POLR3H: variants seen among roughly 807,000 people sequenced by gnomAD.
The protein encoded by POLR3H is RNA polymerase III subunit H.
In POLR3H, 17 loss-of-function variants were observed where a neutral mutation model predicts 25.5. The ratio of observed to expected loss-of-function variants is 0.67; its 90% confidence interval spans 0.46 to 1.00. The LOEUF is 1.00. Among genes scored for constraint, POLR3H ranks in the 50% least tolerant of loss-of-function variants. The pLI is 0.00. For synonymous variants in POLR3H, 129 were observed against 103.0 expected (o/e 1.25, Z -1.53); for missense variants, 274 against 265.0 (o/e 1.03, Z -0.24).
At chr22:41,535,894 C>G (rs997926100) in intron 2 of POLR3H, among the ~76,000 whole-genome samples, 2 of 151,830 alleles carry the variant, frequency 1.3e-5, no homozygotes, top group African/African-American at 4.8e-5. Context: ...TGCTTGAACC[C>G]GGGAGGCAGA....
At chr22:41,543,447 G>C (rs1361640678) in intron 1 of POLR3H, among the ~76,000 whole-genome samples, 1 of 152,060 alleles carries the variant, frequency 6.6e-6, no homozygotes, top group East Asian at 1.9e-4. Flanking sequence ...GTGAAACCCC[G>C]TCTCTACGAA....
At chr22:41,532,503 A>G (rs1311917874) in intron 3 of POLR3H, 156 bp downstream of exon 3, 2 of 1,372,084 alleles carry the variant, frequency 1.5e-6, no homozygotes, top group East Asian at 4.7e-5. Flanking sequence ...AGGTCCTCAC[A>G]CAACACATAA....
At chr22:41,535,533 G>C (rs534887983) in intron 2 of POLR3H, among the ~76,000 whole-genome samples, 73 of 152,346 alleles carry the variant, frequency 4.8e-4, no homozygotes, top group African/African-American at 1.7e-3. Flanking sequence ...GGACCATCAA[G>C]AAGAGGAAGG....
chr22:41,529,416 C>T (rs1340319367), intron 5 of POLR3H, 80 bp from the exon 6 acceptor site: 2 of 1,289,974 alleles, frequency 1.6e-6, no homozygotes, highest in African/African-American at 1.5e-5. Flanking sequence ...GGGAGCCCAG[C>T]AGGCCCAGCA....
rs2146152432 is a variant in POLR3H, at chr22:41,527,728, T to C, written c.*1555A>G. 2 of 1,105,922 alleles carry C rather than the reference T, an allele frequency of 1.8e-6. No homozygotes were observed. The highest frequency in any genetic ancestry group is 2.5e-6 in the Non-Finnish European group (2 of 785,484). The allele number at this position is 1,105,922 out of a possible 1,614,324, so 68.5% of individuals were successfully genotyped here. A position where few individuals can be genotyped will look rare whatever the true frequency, so the allele number is the denominator to read the frequency against. On this transcript the variant is annotated 3_prime_UTR_variant, in exon 6 of 6. Coordinates refer to ENST00000355209, the MANE Select transcript of POLR3H (RefSeq NM_001018050.4). ...CGCAGACCTCAGCACCAGCGCACAC[T>C]TGCTAGGGGCACCCCTAGTGAAAGG...
intron 2 of POLR3H, among the ~76,000 whole-genome samples, chr22:41,536,207 A>G (rs1000801099): frequency 1.3e-5 from 2 of 151,650 alleles, no homozygotes; most frequent in African/African-American, 4.8e-5. Context: ...CCTGGCTAAC[A>G]TGATGAAACC....
In POLR3H at chr22:41,528,183, C is replaced by T; in HGVS notation, c.*1100G>A. On this transcript the variant is annotated 3_prime_UTR_variant, in exon 6 of 6. Coordinates refer to ENST00000355209, the MANE Select transcript of POLR3H (RefSeq NM_001018050.4). ...CCACAGAGAAAGCAAAGTGGCTTCT[C>T]AGAGTTGGGGGTTGGAGTCAACCCG... is the stretch of plus-strand genomic sequence containing the variant. 1.7e-6 allele frequency: 2 copies of T among 1,176,940 alleles called. No homozygotes were observed. Among genetic ancestry groups the T allele is most frequent in the Non-Finnish European group, 2.4e-6 (2 of 846,478 alleles). 72.9% of individuals were successfully genotyped at this position (1,176,940 alleles called of 1,614,324 possible).
At chr22:41,537,205 C>T (rs909130707) in intron 2 of POLR3H, among the ~76,000 whole-genome samples, 3 of 152,254 alleles carry the variant, frequency 2.0e-5, no homozygotes, top group Admixed American at 6.5e-5. Context: ...ACGTGCGGGG[C>T]GCTAGACCAC....
In POLR3H at chr22:41,526,587, G is replaced by A. The variant is rs139699456; in HGVS notation, c.*2696C>T. 1,548 of 1,001,008 alleles carry A rather than the reference G, an allele frequency of 1.5e-3. 11 individuals are homozygous for A. The Middle Eastern group carries it at 0.021, about 14-fold the overall frequency. 62.0% of individuals were successfully genotyped at this position (1,001,008 alleles called of 1,614,324 possible). ...AGCCCAAAGGGGACTGCTGTGGAAGGGAGGAGAGGCCTGCAGCCCCTCCCT... is the reference window on the plus strand; with the variant it reads ...AGCCCAAAGGGGACTGCTGTGGAAGAGAGGAGAGGCCTGCAGCCCCTCCCT... On this transcript the variant is annotated 3_prime_UTR_variant, in exon 6 of 6. Transcript: ENST00000355209.
In POLR3H at chr22:41,540,774, A is replaced by G; in HGVS notation, c.133T>C (p.Cys45Arg). Reference protein sequence around the residue: ...ANKVVYNVGLCICLFDITKLE... With the variant: ...ANKVVYNVGLRICLFDITKLE... The stretch of plus-strand genomic sequence containing the variant: ...TTGGTGATATCAAACAGACAAATGC[A>G]GAGTCCCACGTTGTACACGACCTGC... The change falls in exon 2 of 6, where the codon TGC (cysteine) becomes CGC (arginine). Residue 45 changes from cysteine to arginine, a missense_variant. Cys to Arg is a radical substitution (Grantham distance 180). Coordinates refer to ENST00000355209, the MANE Select transcript of POLR3H (RefSeq NM_001018050.4). The G allele has an allele frequency of 6.2e-7, 1 of 1,614,116 alleles. No homozygotes were observed. Among genetic ancestry groups the G allele is most frequent in the South Asian group, 1.1e-5 (1 of 91,086 alleles).
Position 41,528,546 on chromosome 22 carries a change from A to G in POLR3H, c.*737T>C. ...ACCATCCTCCTGAACCACACCTTCAACGAGACGCAGATTGAGTGGTTCCGC... is the reference window on the plus strand; with the variant it reads ...ACCATCCTCCTGAACCACACCTTCAGCGAGACGCAGATTGAGTGGTTCCGC... On this transcript the variant is annotated 3_prime_UTR_variant, in exon 6 of 6. Coordinates refer to ENST00000355209, the MANE Select transcript of POLR3H (RefSeq NM_001018050.4). 1.2e-6 allele frequency: 2 copies of G among 1,613,216 alleles called. No individual in the cohort carries two copies. Among genetic ancestry groups the G allele is most frequent in the Non-Finnish European group, 1.7e-6 (2 of 1,180,016 alleles).
At chr22:41,529,765 T>TG (rs1316748525) in intron 5 of POLR3H, 8 of 440,204 alleles carry the variant, frequency 1.8e-5, no homozygotes, top group Admixed American at 5.3e-5. Context: ...TTTTTGTTGT[T>TG]TTTTTTTTTT....
intron 5 of POLR3H, among the ~76,000 whole-genome samples, chr22:41,530,319 G>A (rs2066702173): frequency 6.6e-6 from 1 of 151,548 alleles, no homozygotes; most frequent in African/African-American, 2.4e-5. Flanking sequence ...TTTTAGCCAG[G>A]CTGGTCTCAA....
chr22:41,532,153 A>T lies in POLR3H; in HGVS notation c.300T>A (p.Ser100=). 6.2e-7 allele frequency: 1 copy of T among 1,614,062 alleles called. No individual in the cohort carries two copies. Among genetic ancestry groups the T allele is most frequent in the Non-Finnish European group, 8.5e-7 (1 of 1,179,966 alleles). The part of the protein sequence containing the change: ...KGCSPEGVHV[S]LGFFDDILIP... Reference sequence around the variant, plus strand: ...TGAGAATGTCATCGAAGAAGCCTAGAGAGACTGGAAGGAAGGAAGCAGGTG... The same window carrying T: ...TGAGAATGTCATCGAAGAAGCCTAGTGAGACTGGAAGGAAGGAAGCAGGTG... Residue 100 remains serine (S), a synonymous_variant, in exon 4 of 6, where the codon TCT becomes TCA. Coordinates refer to ENST00000355209, the MANE Select transcript of POLR3H (RefSeq NM_001018050.4).
At position 41,544,277 on chromosome 22, in the gene POLR3H, AC is replaced by A. The variant is rs2066983062; in HGVS notation, c.-177del. 1 of 556,710 alleles carries A rather than the reference AC, an allele frequency of 1.8e-6. No homozygotes were observed. The highest frequency in any genetic ancestry group is 2.2e-5 in the South Asian group (1 of 45,998). The allele number at this position is 556,710 out of a possible 1,614,324, so 34.5% of individuals were successfully genotyped here. On this transcript the variant is annotated 5_prime_UTR_variant, in exon 1 of 6. An upstream start codon of the reference 5' UTR is lost. Coordinates refer to ENST00000355209, the MANE Select transcript of POLR3H (RefSeq NM_001018050.4). ...GTCCGGGCCATGCTCCGCTACTACAACATGAGGAAACTGAGGCCAGAGGGAG... is the reference window on the plus strand; with the variant it reads ...GTCCGGGCCATGCTCCGCTACTACAAATGAGGAAACTGAGGCCAGAGGGAG...
rs549853349 is a variant in POLR3H at position 41,527,396 on chromosome 22, A to T, written c.*1887T>A. The T allele has an allele frequency of 1.3e-5, 21 of 1,612,980 alleles. No individual in the cohort carries two copies. The African/African-American group carries it at 2.3e-4, about 17-fold the overall frequency. Reference sequence around the variant, plus strand: ...CCACCTTGGGGGCCGGGCCATCATCACCAAGAGCTTTGCCAGGATCCACGG... The same window carrying T: ...CCACCTTGGGGGCCGGGCCATCATCTCCAAGAGCTTTGCCAGGATCCACGG... On this transcript the variant is annotated 3_prime_UTR_variant, in exon 6 of 6. Transcript: ENST00000355209.
chr22:41,529,363 T>C, intron 5 of POLR3H, 27 bp from the exon 6 acceptor site: 1 of 1,610,800 alleles, frequency 6.2e-7, no homozygotes, highest in East Asian at 2.2e-5. Flanking sequence ...ACACGCACAT[T>C]TCACTGACAT....
intron 4 of POLR3H, 48 bp from the exon 5 acceptor site, chr22:41,530,936 TC>T: frequency 6.3e-7 from 1 of 1,581,664 alleles, no homozygotes; most frequent in South Asian, 1.1e-5. Context: ...GGGAGGGGCT[TC>T]CCTCAGCACC....
At chr22:41,535,079 C>T (rs903323051) in intron 2 of POLR3H, among the ~76,000 whole-genome samples, 12 of 152,128 alleles carry the variant, frequency 7.9e-5, no homozygotes, top group African/African-American at 2.7e-4. Flanking sequence ...CAAACTGGAA[C>T]TTGCATCTAG....
Sources: allele counts gnomAD v4.1 joint callset (sites outside exome capture counted in the v4.1 genomes callset), GRCh38; gene constraint gnomAD v4.1.1; transcripts MANE v1.5; gene names NCBI Gene and HGNC (gene_info 2026-07-23, HGNC 2026-07-21).